ZSCAN25: variants seen among roughly 807,000 people sequenced by gnomAD.
ZSCAN25 encodes zinc finger and SCAN domain containing 25.
A neutral mutation model predicts 38.7 loss-of-function variants in ZSCAN25; 27 were observed. That is an observed-to-expected ratio of 0.70 (90% CI 0.51 to 0.96). ZSCAN25 has a LOEUF of 0.96. ZSCAN25 is among the 40% of genes least tolerant of loss of function. The pLI is 0.00. For missense variants in ZSCAN25, 637 were observed against 705.9 expected, an observed-to-expected ratio of 0.90 and a Z score of 1.11; for synonymous variants, 273 against 277.7, an observed-to-expected ratio of 0.98 and a Z score of 0.17.
the ZSCAN25 span, among the ~76,000 whole-genome samples, chr7:99,686,790 C>G: frequency 6.6e-6 from 1 of 152,270 alleles, no homozygotes; most frequent in African/African-American, 2.4e-5. Context: ...CTCACACGGC[C>G]AGGTACTCCT....
At chr7:99,663,838 G>A in the ZSCAN25 span, 1 of 1,373,190 alleles carries the variant, frequency 7.3e-7, no homozygotes, top group Non-Finnish European at 9.4e-7. Flanking sequence ...TCTACCAAAT[G>A]GCTTCTCTTG....
At chr7:99,671,759 C>G in the ZSCAN25 span, 2 of 692,046 alleles carry the variant, frequency 2.9e-6, no homozygotes, top group South Asian at 1.5e-5. Flanking sequence ...AAAGTTTGCT[C>G]TGATATAGAA....
the ZSCAN25 span, chr7:99,722,364 A>C: frequency 3.7e-6 from 6 of 1,613,002 alleles, 1 homozygote; most frequent in South Asian, 6.6e-5. Flanking sequence ...AGGAGAAACA[A>C]AATAATATTT....
chr7:99,652,633 C>T, the ZSCAN25 span: 1 of 1,614,080 alleles, frequency 6.2e-7, no homozygotes, highest in Non-Finnish European at 8.5e-7. Context: ...CCACCATTGA[C>T]CCTTTGGGAA....
the ZSCAN25 span, among the ~76,000 whole-genome samples, chr7:99,711,643 C>T: frequency 2.6e-5 from 4 of 152,174 alleles, no homozygotes; most frequent in Admixed American, 2.6e-4. Context: ...TGACGCATGC[C>T]TGTAATCCCA....
chr7:99,683,755 G>A, the ZSCAN25 span, among the ~76,000 whole-genome samples: 2 of 152,026 alleles, frequency 1.3e-5, no homozygotes, highest in African/African-American at 4.8e-5. Context: ...AGGCCGGGCT[G>A]TTTCTCCACG....
the ZSCAN25 span, among the ~76,000 whole-genome samples, chr7:99,658,025 G>C: frequency 6.6e-6 from 1 of 152,106 alleles, no homozygotes; most frequent in South Asian, 2.1e-4. Context: ...GATGGGTCTT[G>C]ACTCTATCCA....
At chr7:99,657,811 T>C in the ZSCAN25 span, among the ~76,000 whole-genome samples, 7 of 152,210 alleles carry the variant, frequency 4.6e-5, no homozygotes, top group African/African-American at 1.7e-4. Flanking sequence ...CTCTTCTTGT[T>C]GAATTGATCC....
the ZSCAN25 span, chr7:99,730,905 G>A: frequency 1.0e-6 from 1 of 974,140 alleles, no homozygotes; most frequent in South Asian, 1.7e-5. Flanking sequence ...AGAGCCCCAG[G>A]GTAAACTTTG....
Position 99,622,700 on chromosome 7 carries a change from C to T in ZSCAN25, c.681+60C>T, listed in dbSNP as rs1807087261. 2.0e-6 allele frequency: 3 copies of T among 1,514,064 alleles called. No homozygotes were observed. In the Admixed American group the frequency reaches 5.2e-5, roughly 26 times the overall value. The allele number at this position is 1,514,064 out of a possible 1,614,324, so 93.8% of individuals were successfully genotyped here. A position where few individuals can be genotyped will look rare whatever the true frequency, so the allele number is the denominator to read the frequency against. ...GTTGCTTTGATTGAGGTTCACCTTC[C>T]CCAAGGTTTCTCTGCACAACAGTGT... On this transcript the variant is annotated intron_variant, in intron 6 of 7. Transcript: ENST00000394152.
the ZSCAN25 span, among the ~76,000 whole-genome samples, chr7:99,737,287 G>A: frequency 7.2e-5 from 11 of 152,158 alleles, no homozygotes; most frequent in Admixed American, 6.5e-4. Flanking sequence ...CTGCTCTGGT[G>A]CACCTGCCAT....
chr7:99,666,498 G>A, the ZSCAN25 span: 3 of 1,271,048 alleles, frequency 2.4e-6, no homozygotes, highest in Non-Finnish European at 3.4e-6. Context: ...CCCTGCTTTT[G>A]TCTGGTCACT....
chr7:99,629,930 C>T lies in ZSCAN25; in HGVS notation c.1545C>T (p.His515=). Residue 515 remains histidine, a synonymous_variant, in exon 8 of 8, where the codon CAC becomes CAT. Coordinates refer to ENST00000394152, the MANE Select transcript of ZSCAN25 (RefSeq NM_145115.3). This position sits in a 1 kb window ranked among gnomAD's most constrained non-coding sequence, Gnocchi z 5.6. ...QRIHTGEKPY[H]CPACGRSFNQ... is the part of the protein sequence containing the mutation. ...TCCATACAGGGGAGAAGCCCTACCACTGTCCTGCCTGCGGGCGAAGCTTCA... is the reference window on the plus strand; with the variant it reads ...TCCATACAGGGGAGAAGCCCTACCATTGTCCTGCCTGCGGGCGAAGCTTCA... 6.2e-7 allele frequency: 1 copy of T among 1,614,078 alleles called. No individual in the cohort carries two copies. The highest frequency in any genetic ancestry group is 8.5e-7 in the Non-Finnish European group (1 of 1,179,946).
chr7:99,678,302 A>C, the ZSCAN25 span, among the ~76,000 whole-genome samples: 1 of 152,204 alleles, frequency 6.6e-6, no homozygotes. Flanking sequence ...AGGACCCATG[A>C]ATATCTCTTT....
the ZSCAN25 span, among the ~76,000 whole-genome samples, chr7:99,703,534 G>A: frequency 1.3e-5 from 2 of 152,032 alleles, no homozygotes; most frequent in Non-Finnish European, 2.9e-5. Flanking sequence ...TCGTATATCT[G>A]TTATCTATCA....
downstream of ZSCAN25, among the ~76,000 whole-genome samples, chr7:99,636,154 A>G (rs535693027): frequency 2.6e-5 from 4 of 151,966 alleles, no homozygotes; most frequent in East Asian, 5.8e-4. Flanking sequence ...TTACTATAGC[A>G]TTGATGTTGG....
At chr7:99,665,587 C>A in the ZSCAN25 span, among the ~76,000 whole-genome samples, 2 of 152,296 alleles carry the variant, frequency 1.3e-5, no homozygotes, top group African/African-American at 2.4e-5. Context: ...GACAGAGACC[C>A]ATTATCAGAC....
At chr7:99,690,576 C>T in the ZSCAN25 span, among the ~76,000 whole-genome samples, 1 of 152,028 alleles carries the variant, frequency 6.6e-6, no homozygotes, top group Non-Finnish European at 1.5e-5. Context: ...CCAGAATCTA[C>T]AATGATCTCA....
the ZSCAN25 span, among the ~76,000 whole-genome samples, chr7:99,736,690 A>G: frequency 6.6e-6 from 1 of 152,176 alleles, no homozygotes; most frequent in African/African-American, 2.4e-5. Context: ...ATTCTTTCTC[A>G]GGTTCAGCAC....
Sources: gnomAD v4.1 joint callset for allele counts (sites outside exome capture counted in the v4.1 genomes callset) on GRCh38, gnomAD v4.1.1 for gene constraint, Gnocchi (gnomAD v3.1) non-coding constraint, MANE v1.5 for transcripts, NCBI Gene and HGNC (gene_info 2026-07-23, HGNC 2026-07-21) for gene names.